KDM4C: variants seen among roughly 807,000 people sequenced by gnomAD.
KDM4C encodes lysine demethylase 4C.
In KDM4C, 81 loss-of-function variants were observed where a neutral mutation model predicts 129.3. That is an observed-to-expected ratio of 0.63 (90% CI 0.52 to 0.75). The LOEUF is 0.75. Among genes scored for constraint, KDM4C ranks in the 30% least tolerant of loss-of-function variants. The probability of loss-of-function intolerance (pLI) is 0.00; values close to 1 mark genes in which losing one functional copy is unlikely to be tolerated. For synonymous variants in KDM4C, 573 were observed against 456.1 expected (o/e 1.26, Z -3.26); for missense variants, 1,457 against 1,304.0 (o/e 1.12, Z -1.81).
At chr9:7,119,594 A>G (rs980236310) in intron 18 of KDM4C, among the ~76,000 whole-genome samples, 1 of 152,020 alleles carries the variant, frequency 6.6e-6, no homozygotes, top group Non-Finnish European at 1.5e-5. Context: ...TTAAAAGCAT[A>G]TTTGTTTTTC....
chr9:6,920,742 C>G (rs971790375), intron 8 of KDM4C, among the ~76,000 whole-genome samples: 2 of 152,068 alleles, frequency 1.3e-5, no homozygotes, highest in Non-Finnish European at 2.9e-5. Flanking sequence ...TGCTTACATT[C>G]TTGGTCTTGC....
At chr9:7,153,021 A>T (rs758490946) in intron 19 of KDM4C, among the ~76,000 whole-genome samples, 1 of 152,188 alleles carries the variant, frequency 6.6e-6, no homozygotes, top group East Asian at 1.9e-4. Context: ...AGGTTTTAAA[A>T]TTTTTTCCTA....
intron 12 of KDM4C, among the ~76,000 whole-genome samples, chr9:7,000,020 G>A (rs538608818): frequency 9.0e-4 from 137 of 152,262 alleles, no homozygotes; most frequent in African/African-American, 3.3e-3. Flanking sequence ...AAGTAGATTG[G>A]CTTGGAATGT....
chr9:6,964,637 C>T (rs935626349), intron 8 of KDM4C, among the ~76,000 whole-genome samples: 1 of 151,966 alleles, frequency 6.6e-6, no homozygotes, highest in Non-Finnish European at 1.5e-5. Flanking sequence ...AAAAAATTAG[C>T]CGGGTGTGGT....
intron 17 of KDM4C, among the ~76,000 whole-genome samples, chr9:7,086,722 T>C (rs1302966655): frequency 6.6e-6 from 1 of 152,238 alleles, no homozygotes; most frequent in African/African-American, 2.4e-5. Flanking sequence ...TGCAGGATCA[T>C]CTGGCCGGGG....
chr9:6,740,700 G>A (rs1817664771), intron 1 of KDM4C, among the ~76,000 whole-genome samples: 1 of 150,796 alleles, frequency 6.6e-6, no homozygotes, highest in South Asian at 2.1e-4. Context: ...TCTATTTTTA[G>A]TAGAGATGGG....
chr9:6,912,191 C>CT (rs769884714), intron 8 of KDM4C, among the ~76,000 whole-genome samples: 2 of 152,198 alleles, frequency 1.3e-5, no homozygotes, highest in Admixed American at 6.5e-5. Flanking sequence ...CCCCTTCCTC[C>CT]TTTCCTGCCA....
chr9:6,789,539 A>G (rs983242647), intron 1 of KDM4C, among the ~76,000 whole-genome samples: 1 of 148,020 alleles, frequency 6.8e-6, no homozygotes, highest in African/African-American at 2.5e-5. Flanking sequence ...AAATTTTTAT[A>G]TTTTTTTTTA....
chr9:7,125,191 C>G (rs148116541), intron 18 of KDM4C, among the ~76,000 whole-genome samples: 20 of 152,326 alleles, frequency 1.3e-4, no homozygotes, highest in African/African-American at 4.6e-4. Flanking sequence ...ATAGCAAGAC[C>G]TCTTGCATTC....
intron 17 of KDM4C, among the ~76,000 whole-genome samples, chr9:7,094,893 A>G (rs1836243212): frequency 6.6e-6 from 1 of 152,174 alleles, no homozygotes; most frequent in Non-Finnish European, 1.5e-5. Flanking sequence ...TTCATGGGTG[A>G]CAGTTTCTAA....
At chr9:6,787,052 T>C (rs1484769443) in intron 1 of KDM4C, among the ~76,000 whole-genome samples, 1 of 152,218 alleles carries the variant, frequency 6.6e-6, no homozygotes, top group Non-Finnish European at 1.5e-5. Flanking sequence ...AATCTATGTA[T>C]CTGATTTGTA....
intron 8 of KDM4C, among the ~76,000 whole-genome samples, chr9:6,915,030 G>A (rs777073928): frequency 8.5e-5 from 13 of 152,074 alleles, no homozygotes; most frequent in Non-Finnish European, 1.8e-4. Context: ...TATAAAAAGG[G>A]GCACAATTTG....
At chr9:7,030,669 C>CAAAGTTG (rs1826576109) in intron 15 of KDM4C, among the ~76,000 whole-genome samples, 1 of 152,066 alleles carries the variant, frequency 6.6e-6, no homozygotes, top group East Asian at 1.9e-4. Flanking sequence ...TTACTGTAAC[C>CAAAGTTG]CTGTCTGCTT....
chr9:6,977,877 C>T (rs557615185), intron 8 of KDM4C, among the ~76,000 whole-genome samples: 13 of 152,068 alleles, frequency 8.5e-5, no homozygotes, highest in Non-Finnish European at 1.6e-4. Context: ...CACTTACTTC[C>T]CCTTGACCCT....
intron 21 of KDM4C, among the ~76,000 whole-genome samples, chr9:7,171,819 T>TA (rs2130518755): frequency 6.6e-6 from 1 of 152,266 alleles, no homozygotes; most frequent in Non-Finnish European, 1.5e-5. Flanking sequence ...ATTTTTTTTT[T>TA]ATTCTCTGAA....
chr9:6,883,692 C>T (rs920607632), intron 6 of KDM4C, among the ~76,000 whole-genome samples: 1 of 152,052 alleles, frequency 6.6e-6, no homozygotes, highest in Non-Finnish European at 1.5e-5. Flanking sequence ...AAATGAATGT[C>T]AACTAGTAGG....
intron 3 of KDM4C, among the ~76,000 whole-genome samples, chr9:6,813,732 A>G (rs976499603): frequency 3.9e-5 from 6 of 152,156 alleles, no homozygotes; most frequent in African/African-American, 9.7e-5. Flanking sequence ...TGTAATTTCT[A>G]TGTGAGAGAT....
intron 18 of KDM4C, among the ~76,000 whole-genome samples, chr9:7,114,784 C>A (rs1470608910): frequency 3.3e-5 from 5 of 152,104 alleles, no homozygotes; most frequent in Non-Finnish European, 7.3e-5. Flanking sequence ...AGACCTAGAC[C>A]CCACGGTGGG....
At chr9:6,826,587 C>T (rs774986064) in intron 4 of KDM4C, among the ~76,000 whole-genome samples, 7 of 152,160 alleles carry the variant, frequency 4.6e-5, no homozygotes, top group Admixed American at 2.0e-4. Context: ...CTTATTTGGC[C>T]GGGCGCGGTG....
Sources: gnomAD v4.1 joint callset for allele counts (sites outside exome capture counted in the v4.1 genomes callset) on GRCh38, gnomAD v4.1.1 for gene constraint, MANE v1.5 for transcripts, NCBI Gene and HGNC (gene_info 2026-07-23, HGNC 2026-07-21) for gene names.